The following PPFIA1 variants were observed in gnomAD, a reference collection of about 807,000 sequenced individuals.
PPFIA1 encodes liprin-alpha-1.
In PPFIA1, 25 loss-of-function variants were observed where a neutral mutation model predicts 149.9. The observed-to-expected ratio is 0.17, with a 90% CI of 0.12 to 0.23. The LOEUF (loss-of-function observed/expected upper bound fraction) is 0.23, where lower values mean the gene tolerates loss of function less well. Ranked by LOEUF, PPFIA1 falls within the 10% of genes least tolerant of loss-of-function variation. PPFIA1 has a pLI of 1.00. For missense variants in PPFIA1, 1,362 were observed against 1,506.5 expected (o/e 0.90, Z 1.59); for synonymous variants, 549 against 552.8 (o/e 0.99, Z 0.10).
At position 70,384,097 on chromosome 11, in the gene PPFIA1, G is replaced by A. The variant is rs1298476522; in HGVS notation, c.*1107G>A. 1 of 152,264 alleles carries A rather than the reference G, an allele frequency of 6.6e-6. No individual in the cohort carries two copies. The highest frequency in any genetic ancestry group is 1.9e-4 in the East Asian group (1 of 5,204). The allele number at this position is 152,264 out of a possible 1,614,324, so 9.4% of individuals were successfully genotyped here. ...GCTCTAGCCATTTTGGATTGTGTAA[G>A]TTGCAGATGTGGCTTTTACTTTTTA... On this transcript the variant is annotated 3_prime_UTR_variant, in exon 28 of 28. Coordinates refer to ENST00000253925, the MANE Select transcript of PPFIA1 (RefSeq NM_003626.5).
At chr11:70,287,621 A>G (rs1049305321) in intron 2 of PPFIA1, among the ~76,000 whole-genome samples, 3 of 148,998 alleles carry the variant, frequency 2.0e-5, no homozygotes, top group African/African-American at 5.0e-5. Context: ...CAGCCACTAC[A>G]CCCGGCCTTT....
rs1005548689 is a variant in PPFIA1, at chr11:70,345,749, C to T, written c.1931+1857C>T. On this transcript the variant is annotated intron_variant, in intron 15 of 27. Coordinates refer to ENST00000253925, the MANE Select transcript of PPFIA1 (RefSeq NM_003626.5). ...GGCTGAGGCGGGAGGATCCCTTGAG[C>T]CCAGGAGTTCGAGGCTGCAGCGAGC... 5.5e-4 allele frequency among the ~76,000 whole-genome samples: 83 copies of T among 152,258 alleles called. 1 individual carries two copies. The highest frequency in any genetic ancestry group is 3.8e-4 in the Non-Finnish European group (26 of 68,018).
chr11:70,309,416 G>A (rs1290490158), intron 2 of PPFIA1, among the ~76,000 whole-genome samples: 3 of 152,222 alleles, frequency 2.0e-5, no homozygotes, highest in South Asian at 2.1e-4. Context: ...TGATCTGCCC[G>A]CCTTGGCCTC....
At chr11:70,318,249 CA>C (rs1467729905) in intron 2 of PPFIA1, among the ~76,000 whole-genome samples, 3 of 152,206 alleles carry the variant, frequency 2.0e-5, no homozygotes, top group African/African-American at 7.2e-5. Flanking sequence ...CTATCTTCCC[CA>C]AATGTAAATG....
At chr11:70,314,601 A>G (rs2053484744) in intron 2 of PPFIA1, among the ~76,000 whole-genome samples, 1 of 152,096 alleles carries the variant, frequency 6.6e-6, no homozygotes, top group African/African-American at 2.4e-5. Context: ...TCTATATTTT[A>G]TCTTATATAT....
At chr11:70,279,660 T>A (rs1038357366) in intron 2 of PPFIA1, among the ~76,000 whole-genome samples, 4 of 151,832 alleles carry the variant, frequency 2.6e-5, no homozygotes, top group Non-Finnish European at 5.9e-5. Context: ...GCTTTTATCA[T>A]GTCCTATGTG....
chr11:70,324,611 T>G (rs2054156935), intron 3 of PPFIA1, 108 bp downstream of exon 3: 1 of 1,005,826 alleles, frequency 9.9e-7, no homozygotes, highest in African/African-American at 1.6e-5. Context: ...TGAAATACTT[T>G]TCATACCTTT....
At chr11:70,296,034 A>C (rs1229511741) in intron 2 of PPFIA1, among the ~76,000 whole-genome samples, 2 of 142,966 alleles carry the variant, frequency 1.4e-5, no homozygotes, top group Admixed American at 1.4e-4. Flanking sequence ...CGCTCCTCAC[A>C]TCCCAGACGG....
chr11:70,309,551 T>C (rs1377149692), intron 2 of PPFIA1, among the ~76,000 whole-genome samples: 1 of 151,762 alleles, frequency 6.6e-6, no homozygotes, highest in Non-Finnish European at 1.5e-5. Context: ...CAACCAAAGA[T>C]AGTTTGGTTT....
intron 2 of PPFIA1, among the ~76,000 whole-genome samples, chr11:70,285,595 G>A (rs902162760): frequency 2.6e-5 from 4 of 151,030 alleles, no homozygotes; most frequent in African/African-American, 4.9e-5. Context: ...CAGGAGAATC[G>A]CTTGAACCTG....
At chr11:70,355,935 G>C (rs1450795283) in intron 18 of PPFIA1, 124 bp downstream of exon 18, 1 of 1,268,762 alleles carries the variant, frequency 7.9e-7, no homozygotes, top group Non-Finnish European at 1.1e-6. Flanking sequence ...CAGCAGCTGT[G>C]AAGGCATGGG....
intron 2 of PPFIA1, among the ~76,000 whole-genome samples, chr11:70,298,050 A>G (rs1169661916): frequency 6.6e-6 from 1 of 152,222 alleles, no homozygotes; most frequent in Non-Finnish European, 1.5e-5. Context: ...AAAAAATGCC[A>G]TGTGATTCTC....
Position 70,339,139 on chromosome 11 carries a change from A to G in PPFIA1, c.1572-32A>G, listed in dbSNP as rs772180010. The G allele has an allele frequency of 4.3e-6, 7 of 1,610,164 alleles. No individual in the cohort carries two copies. In the East Asian group the frequency reaches 8.9e-5, roughly 21 times the overall value. On this transcript the variant is annotated intron_variant, in intron 13 of 27. Coordinates refer to ENST00000253925, the MANE Select transcript of PPFIA1 (RefSeq NM_003626.5). ...AAGAGAGTTTATTTTCTTTTCTTCT[A>G]ATAATGATCATTCTTATTTTTCATG...
chr11:70,302,057 C>T (rs556889595), intron 2 of PPFIA1, among the ~76,000 whole-genome samples: 1 of 152,320 alleles, frequency 6.6e-6, no homozygotes, highest in South Asian at 2.1e-4. Flanking sequence ...TGCAGTGAAG[C>T]GGTGGCTGTG....
At chr11:70,311,837 T>C (rs915038596) in intron 2 of PPFIA1, among the ~76,000 whole-genome samples, 2 of 51,756 alleles carry the variant, frequency 3.9e-5, no homozygotes, top group East Asian at 2.9e-4. Flanking sequence ...GTGAGTCAGC[T>C]TTTTTTTTTT....
intron 14 of PPFIA1, among the ~76,000 whole-genome samples, chr11:70,340,123 C>T (rs1006378626): frequency 6.6e-6 from 1 of 150,766 alleles, no homozygotes; most frequent in Admixed American, 6.6e-5. Context: ...CACAGGGAGA[C>T]CCCTGTCTCT....
At chr11:70,362,648 G>T (rs2056720796) in intron 21 of PPFIA1, 160 bp downstream of exon 21, 3 of 606,420 alleles carry the variant, frequency 4.9e-6, no homozygotes, top group Admixed American at 3.8e-5. Context: ...TTTTAATTTT[G>T]GGGAATTGGA....
At chr11:70,301,509 T>C (rs2052484150) in intron 2 of PPFIA1, among the ~76,000 whole-genome samples, 1 of 152,202 alleles carries the variant, frequency 6.6e-6, no homozygotes, top group Admixed American at 6.5e-5. Flanking sequence ...CCTTACTGGG[T>C]TGCTGAGAGT....
intron 2 of PPFIA1, among the ~76,000 whole-genome samples, chr11:70,284,824 A>G (rs1209090328): frequency 6.6e-6 from 1 of 151,970 alleles, no homozygotes; most frequent in East Asian, 1.9e-4. Flanking sequence ...CTTGGCCTGG[A>G]GGGAAGGGAA....
Sources: allele counts gnomAD v4.1 joint callset (sites outside exome capture counted in the v4.1 genomes callset), GRCh38; gene constraint gnomAD v4.1.1; transcripts MANE v1.5; gene names NCBI Gene and HGNC (gene_info 2026-07-23, HGNC 2026-07-21).